Variants in PLCL1 observed in about 807,000 individuals in gnomAD.
The protein encoded by PLCL1 is phospholipase C like 1 (inactive).
A neutral mutation model predicts 84.4 loss-of-function variants in PLCL1; 41 were observed. That is an observed-to-expected ratio of 0.49 (90% CI 0.38 to 0.63). PLCL1 has a LOEUF of 0.63. Ranked by LOEUF, PLCL1 falls within the 30% of genes least tolerant of loss-of-function variation. PLCL1 has a pLI of 0.00. For missense variants in PLCL1, 1,206 were observed against 1,367.8 expected, an observed-to-expected ratio of 0.88 and a Z score of 1.87; for synonymous variants, 490 against 488.3, an observed-to-expected ratio of 1.00 and a Z score of -0.05.
chr2:197,965,205 G>A (rs1156869981), intron 1 of PLCL1, among the ~76,000 whole-genome samples: 1 of 152,078 alleles, frequency 6.6e-6, no homozygotes, highest in Non-Finnish European at 1.5e-5. Context: ...TATTTGCTGG[G>A]AGACTTTTTA....
At chr2:198,135,940 A>G (rs1694246033) in intron 5 of PLCL1, among the ~76,000 whole-genome samples, 1 of 152,180 alleles carries the variant, frequency 6.6e-6, no homozygotes, top group Non-Finnish European at 1.5e-5. Context: ...TGAGTAAGAA[A>G]ATAAGCTTTT....
intron 1 of PLCL1, among the ~76,000 whole-genome samples, chr2:198,038,896 T>G (rs1192320383): frequency 8.6e-5 from 13 of 152,046 alleles, no homozygotes; most frequent in Non-Finnish European, 1.9e-4. Flanking sequence ...TATCTCGTGT[T>G]TTTTCACAAA....
At chr2:198,015,031 T>C (rs1371374433) in intron 1 of PLCL1, among the ~76,000 whole-genome samples, 1 of 152,166 alleles carries the variant, frequency 6.6e-6, no homozygotes, top group Non-Finnish European at 1.5e-5. Context: ...TAAAAACTTA[T>C]TGCCTACTTT....
chr2:197,886,595 G>A (rs989980224), intron 1 of PLCL1, among the ~76,000 whole-genome samples: 3 of 151,762 alleles, frequency 2.0e-5, no homozygotes, highest in Admixed American at 1.3e-4. Flanking sequence ...GAAGGTTTGT[G>A]GAAAAAAAAA....
chr2:197,819,298 G>A (rs774834449), intron 1 of PLCL1, among the ~76,000 whole-genome samples: 9 of 152,122 alleles, frequency 5.9e-5, no homozygotes, highest in Non-Finnish European at 8.8e-5. Context: ...CTAGCTTGCC[G>A]TGGGGGCTGC....
At chr2:197,853,533 G>A (rs1687276714) in intron 1 of PLCL1, among the ~76,000 whole-genome samples, 1 of 152,126 alleles carries the variant, frequency 6.6e-6, no homozygotes, top group Non-Finnish European at 1.5e-5. Flanking sequence ...ACTGGAAGAG[G>A]GCTATCAGGG....
chr2:197,948,519 T>C (rs570260041), intron 1 of PLCL1, among the ~76,000 whole-genome samples: 2 of 152,264 alleles, frequency 1.3e-5, no homozygotes, highest in African/African-American at 4.8e-5. Flanking sequence ...ATTTTTTTTT[T>C]TTGTTTTCAC....
intron 1 of PLCL1, among the ~76,000 whole-genome samples, chr2:197,915,054 G>C (rs1688565092): frequency 6.6e-6 from 1 of 152,194 alleles, no homozygotes; most frequent in African/African-American, 2.4e-5. Context: ...TTCCCAAGGA[G>C]CCAAAATACC....
intron 1 of PLCL1, among the ~76,000 whole-genome samples, chr2:198,024,647 C>T (rs1020488974): frequency 2.0e-5 from 3 of 151,982 alleles, no homozygotes; most frequent in Non-Finnish European, 2.9e-5. Context: ...CCTGTGATCC[C>T]TGCTACTCCA....
At chr2:197,898,548 G>A (rs1045632166) in intron 1 of PLCL1, among the ~76,000 whole-genome samples, 15 of 151,792 alleles carry the variant, frequency 9.9e-5, no homozygotes, top group African/African-American at 3.4e-4. Flanking sequence ...TTTATAAAAT[G>A]TACTGCAAGG....
intron 1 of PLCL1, among the ~76,000 whole-genome samples, chr2:197,826,273 A>G (rs13395461): frequency 0.011 from 1,605 of 152,328 alleles, 22 homozygotes; most frequent in African/African-American, 0.036. Context: ...TGGGTGGCCT[A>G]TCATCTACCT....
At position 197,970,863 on chromosome 2, in the gene PLCL1, G is replaced by A. The variant is rs548078371; in HGVS notation, c.241-112895G>A. Among the ~76,000 whole-genome samples the A allele has an allele frequency of 1.1e-3, 161 of 152,264 alleles. 2 individuals carry two copies. The highest frequency in any genetic ancestry group is 3.7e-3 in the African/African-American group (155 of 41,562). On this transcript the variant is annotated intron_variant, in intron 1 of 5. Coordinates refer to ENST00000428675, the MANE Select transcript of PLCL1 (RefSeq NM_006226.4). ...AGTTTAACATTTAACAAATAATGCC[G>A]TTCTCAACATGAAGTTTGTTTGTAT...
chr2:197,808,818 G>A (rs1041214389), intron 1 of PLCL1, among the ~76,000 whole-genome samples: 1 of 152,188 alleles, frequency 6.6e-6, no homozygotes, highest in African/African-American at 2.4e-5. Flanking sequence ...TCCATTGTAT[G>A]TGACACATTG....
chr2:197,953,851 G>GTT (rs57247809), intron 1 of PLCL1, among the ~76,000 whole-genome samples: 33 of 146,426 alleles, frequency 2.3e-4, no homozygotes, highest in East Asian at 2.0e-4. Flanking sequence ...GTATTCCAGA[G>GTT]TTTTTTTTTT....
chr2:197,929,681 C>A (rs1328991267), intron 1 of PLCL1, among the ~76,000 whole-genome samples: 1 of 152,154 alleles, frequency 6.6e-6, no homozygotes, highest in Non-Finnish European at 1.5e-5. Context: ...TACTGGACAG[C>A]TTCACATTTG....
intron 5 of PLCL1, among the ~76,000 whole-genome samples, chr2:198,108,151 C>T (rs186576707): frequency 6.6e-6 from 1 of 151,992 alleles, no homozygotes; most frequent in South Asian, 2.1e-4. Context: ...CAGAGCTCCT[C>T]TAAGTATTTT....
At chr2:197,894,770 C>T (rs577057476) in intron 1 of PLCL1, among the ~76,000 whole-genome samples, 12 of 151,982 alleles carry the variant, frequency 7.9e-5, no homozygotes, top group African/African-American at 2.9e-4. Context: ...TTCTGTTTCT[C>T]AGGTAAGTGA....
chr2:197,949,535 C>G (rs1689348232), intron 1 of PLCL1, among the ~76,000 whole-genome samples: 1 of 152,116 alleles, frequency 6.6e-6, no homozygotes, highest in African/African-American at 2.4e-5. Context: ...CTTGATAATT[C>G]ACTTAGGGAT....
chr2:197,966,978 A>T (rs950205476), intron 1 of PLCL1, among the ~76,000 whole-genome samples: 2 of 149,158 alleles, frequency 1.3e-5, no homozygotes, highest in Non-Finnish European at 3.0e-5. Context: ...ATCCATACTA[A>T]TTTTTTTTAA....
Sources: allele counts gnomAD v4.1 joint callset (sites outside exome capture counted in the v4.1 genomes callset), GRCh38; gene constraint gnomAD v4.1.1; transcripts MANE v1.5; gene names NCBI Gene and HGNC (gene_info 2026-07-23, HGNC 2026-07-21).